Variants in RFX2 observed in about 807,000 individuals in gnomAD.
RFX2 encodes DNA-binding protein RFX2.
In RFX2, 20 loss-of-function variants were observed where a neutral mutation model predicts 87.8. That is an observed-to-expected ratio of 0.23 (90% CI 0.16 to 0.33). The LOEUF (loss-of-function observed/expected upper bound fraction) is 0.33. Ranked by LOEUF, RFX2 falls within the 10% of genes least tolerant of loss-of-function variation. The pLI, the probability that RFX2 is intolerant of heterozygous loss-of-function variation, is 1.00. For synonymous variants in RFX2, 397 were observed against 431.3 expected (o/e 0.92, Z 0.98); for missense variants, 767 against 1,012.3 (o/e 0.76, Z 3.29).
chr19:6,054,773 T>A (rs1019002432), intron 1 of RFX2, among the ~76,000 whole-genome samples: 1 of 152,154 alleles, frequency 6.6e-6, no homozygotes, highest in Non-Finnish European at 1.5e-5. Context: ...GCTAAAACTA[T>A]AAGACTTCTC....
chr19:6,042,598 G>T (rs1461126182), intron 3 of RFX2, among the ~76,000 whole-genome samples: 1 of 152,200 alleles, frequency 6.6e-6, no homozygotes, highest in Non-Finnish European at 1.5e-5. Context: ...GAGCAGATTA[G>T]ACTCTACATG....
chr19:6,053,593 A>T (rs996592560), intron 1 of RFX2, among the ~76,000 whole-genome samples: 1 of 152,182 alleles, frequency 6.6e-6, no homozygotes, highest in African/African-American at 2.4e-5. Flanking sequence ...GTGTGGAGGT[A>T]TGGGGTATAT....
chr19:6,043,621 A>G (rs2087143944), intron 3 of RFX2, among the ~76,000 whole-genome samples: 1 of 152,234 alleles, frequency 6.6e-6, no homozygotes, highest in African/African-American at 2.4e-5. Flanking sequence ...TTGCGATACA[A>G]TGGCAGAATT....
intron 13 of RFX2, among the ~76,000 whole-genome samples, chr19:6,003,556 C>A (rs1045361300): frequency 6.6e-6 from 1 of 151,968 alleles, no homozygotes; most frequent in Non-Finnish European, 1.5e-5. Context: ...GCAGGTGGAT[C>A]GCCTGAGGTC....
rs555025936 is a variant in RFX2 at position 6,033,407 on chromosome 19, C to A, written c.522+6573G>T. On this transcript the variant is annotated intron_variant, in intron 5 of 17. Coordinates refer to ENST00000303657, the MANE Select transcript of RFX2 (RefSeq NM_000635.4). ...AATTTGTCCCTGGTTGTCTTAACAG[C>A]TTGTCAAGTGAGGTTATGTCACTTC... Among the ~76,000 whole-genome samples the A allele has an allele frequency of 3.7e-4, 57 of 152,248 alleles. 1 individual carries two copies. In the South Asian group the frequency reaches 9.8e-3, roughly 26 times the overall value.
In RFX2 at chr19:6,002,705, G is replaced by A. The variant is rs201758346; in HGVS notation, c.1650+16C>T. ...GCGGGAAGCCCGGGCCCTGGGGACG[G>A]TGTGGAGGAAGTCACCTGCACGTTG... On this transcript the variant is annotated intron_variant, in intron 14 of 17. Coordinates refer to ENST00000303657, the MANE Select transcript of RFX2 (RefSeq NM_000635.4). This position sits in a 1 kb window ranked among gnomAD's most constrained non-coding sequence, Gnocchi z 6.7. 3.5e-3 allele frequency: 5,584 copies of A among 1,612,572 alleles called. 23 individuals are homozygous for A. Among genetic ancestry groups the A allele is most frequent in the Non-Finnish European group, 4.4e-3 (5,208 of 1,179,576 alleles).
In RFX2 at chr19:6,022,261, G is replaced by A. The variant is rs1253715814; in HGVS notation, c.597+3902C>T. ...CAGAGGCCCCTTCTGAGGAGCTGCC[G>A]GCTCTAGCAACCCCACTGTGGCCTG... On this transcript the variant is annotated intron_variant, in intron 6 of 17. Coordinates refer to ENST00000303657, the MANE Select transcript of RFX2 (RefSeq NM_000635.4). The surrounding 1 kb of genome is among the most constrained non-coding windows in gnomAD (Gnocchi z 6.2). 2.6e-5 allele frequency among the ~76,000 whole-genome samples: 4 copies of A among 152,312 alleles called. No individual in the cohort carries two copies. The highest frequency in any genetic ancestry group is 1.3e-4 in the Admixed American group (2 of 15,296).
rs766142694 is a variant in RFX2 at position 6,007,183 on chromosome 19, G to A, written c.1248-17C>T. 5 of 1,610,966 alleles carry A rather than the reference G, an allele frequency of 3.1e-6. No individual in the cohort carries two copies. Among genetic ancestry groups the A allele is most frequent in the Non-Finnish European group, 4.2e-6 (5 of 1,178,706 alleles). On this transcript the variant is annotated splice_polypyrimidine_tract_variant and intron_variant, in intron 11 of 17. Coordinates refer to ENST00000303657, the MANE Select transcript of RFX2 (RefSeq NM_000635.4). The surrounding 1 kb of genome is among the most constrained non-coding windows in gnomAD (Gnocchi z 8.2). ...TCTTCGTCACTGTGGAGGGAGGGGGGACAGGTGAGCTGTGGCCTGGCCCAG... is the reference window on the plus strand; with the variant it reads ...TCTTCGTCACTGTGGAGGGAGGGGGAACAGGTGAGCTGTGGCCTGGCCCAG...
At chr19:6,098,074 T>G (rs1459146603) in intron 1 of RFX2, among the ~76,000 whole-genome samples, 1 of 152,178 alleles carries the variant, frequency 6.6e-6, no homozygotes, top group Admixed American at 6.5e-5. Flanking sequence ...CACACAGCAT[T>G]GAACATTCTT....
intron 1 of RFX2, among the ~76,000 whole-genome samples, chr19:6,104,799 T>A (rs1255361281): frequency 6.6e-6 from 1 of 152,094 alleles, no homozygotes; most frequent in Non-Finnish European, 1.5e-5. Context: ...CTCAATTGCC[T>A]ACTCAGCACC....
intron 1 of RFX2, among the ~76,000 whole-genome samples, chr19:6,070,387 G>A (rs529783463): frequency 6.6e-6 from 1 of 152,078 alleles, no homozygotes; most frequent in East Asian, 1.9e-4. Context: ...CTTCTGGAGG[G>A]GGGTCCTGGT....
Position 6,007,855 on chromosome 19 carries a change from A to G in RFX2, c.1135-53T>C. On this transcript the variant is annotated intron_variant, in intron 10 of 17. Coordinates refer to ENST00000303657, the MANE Select transcript of RFX2 (RefSeq NM_000635.4). This position sits in a 1 kb window ranked among gnomAD's most constrained non-coding sequence, Gnocchi z 8.2. ...ACGGGTGCGTGCGCCCATCACGTGC[A>G]CTCAGCACACGTCAAGTGAGCAGCC... 8.1e-7 allele frequency: 1 copy of G among 1,229,236 alleles called. No homozygotes were observed. The highest frequency in any genetic ancestry group is 1.2e-6 in the Non-Finnish European group (1 of 853,310). 76.1% of individuals were successfully genotyped at this position (1,229,236 alleles called of 1,614,324 possible).
intron 5 of RFX2, among the ~76,000 whole-genome samples, chr19:6,033,953 C>T (rs1456682050): frequency 1.3e-5 from 2 of 152,180 alleles, no homozygotes; most frequent in East Asian, 1.9e-4. Flanking sequence ...GTGGGAAGAG[C>T]GATTATCATC....
At chr19:6,081,787 T>C (rs1314317117) in intron 1 of RFX2, among the ~76,000 whole-genome samples, 1 of 152,096 alleles carries the variant, frequency 6.6e-6, no homozygotes, top group African/African-American at 2.4e-5. Context: ...ACACCGTCTC[T>C]ACTAAAAATA....
In RFX2 at chr19:6,008,494, G is replaced by A. The variant is rs139653719; in HGVS notation, c.1016-270C>T. Reference sequence around the variant, plus strand: ...ATCAAGCGATTCTTCTGCTTCAACCGCCCGAGTAACTGGGATTACAGGTGG... The same window carrying A: ...ATCAAGCGATTCTTCTGCTTCAACCACCCGAGTAACTGGGATTACAGGTGG... On this transcript the variant is annotated intron_variant, in intron 9 of 17. Transcript: ENST00000303657. 4.5e-3 allele frequency among the ~76,000 whole-genome samples: 657 copies of A among 144,402 alleles called. 7 individuals are homozygous for A. In the East Asian group the frequency reaches 0.075, roughly 17 times the overall value. The allele number at this position is 144,402 out of a possible 152,430, so 94.7% of individuals were successfully genotyped here. A position where few individuals can be genotyped will look rare whatever the true frequency, so the allele number is the denominator to read the frequency against.
intron 1 of RFX2, among the ~76,000 whole-genome samples, chr19:6,109,766 GT>G (rs1265541192): frequency 2.0e-5 from 3 of 151,808 alleles, no homozygotes; most frequent in African/African-American, 7.3e-5. Context: ...GTCCCCGGGT[GT>G]CCCCATCTCA....
chr19:6,014,067 T>C (rs1036412653), intron 7 of RFX2, among the ~76,000 whole-genome samples: 4 of 152,140 alleles, frequency 2.6e-5, no homozygotes, highest in Admixed American at 6.6e-5. Flanking sequence ...CAGAGGGCTT[T>C]AAACAATTTA....
intron 1 of RFX2, among the ~76,000 whole-genome samples, chr19:6,051,361 T>C (rs184823420): frequency 4.7e-4 from 72 of 152,276 alleles, no homozygotes; most frequent in Non-Finnish European, 2.1e-4. Context: ...ATGTAGATGT[T>C]CTCCATGACA....
intron 1 of RFX2, among the ~76,000 whole-genome samples, chr19:6,067,552 C>T (rs2087531740): frequency 6.6e-6 from 1 of 152,182 alleles, no homozygotes; most frequent in Admixed American, 6.5e-5. Flanking sequence ...TGGGCAATCT[C>T]GACCCATGAA....
Sources: allele counts gnomAD v4.1 joint callset (sites outside exome capture counted in the v4.1 genomes callset), GRCh38; gene constraint gnomAD v4.1.1; non-coding constraint Gnocchi (gnomAD v3.1); transcripts MANE v1.5; gene names NCBI Gene and HGNC (gene_info 2026-07-23, HGNC 2026-07-21).